The following ATL1 variants were observed in gnomAD, a reference collection of about 807,000 sequenced individuals.
The protein encoded by ATL1 is atlastin GTPase 1.
ATL1 carries 31 observed loss-of-function variants against 75.5 expected under a neutral mutation model. The observed-to-expected ratio is 0.41, with a 90% CI of 0.31 to 0.55. ATL1 has a LOEUF of 0.55. Ranked by LOEUF, ATL1 falls within the 20% of genes least tolerant of loss-of-function variation. The pLI is 0.27. For missense variants in ATL1, 405 were observed against 662.6 expected (o/e 0.61, Z 4.27); for synonymous variants, 226 against 233.3 (o/e 0.97, Z 0.28).
At chr14:50,622,491 C>A (rs1418237620) in intron 10 of ATL1, among the ~76,000 whole-genome samples, 1 of 152,018 alleles carries the variant, frequency 6.6e-6, no homozygotes, top group African/African-American at 2.4e-5. Flanking sequence ...CATGGTGAAA[C>A]CCTGTCTCTA....
intron 1 of ATL1, among the ~76,000 whole-genome samples, chr14:50,578,218 G>A (rs1331951985): frequency 1.3e-5 from 2 of 152,146 alleles, no homozygotes; most frequent in Non-Finnish European, 2.9e-5. Flanking sequence ...GATACTGAGT[G>A]ATAAACAAAT....
intron 13 of ATL1, among the ~76,000 whole-genome samples, chr14:50,630,241 TATC>T (rs2039567193): frequency 6.6e-6 from 1 of 152,220 alleles, no homozygotes; most frequent in African/African-American, 2.4e-5. Context: ...AAGAATTGAA[TATC>T]ATCAGTATTT....
At chr14:50,616,608 CTT>C (rs900501067) in intron 8 of ATL1, among the ~76,000 whole-genome samples, 60 of 152,174 alleles carry the variant, frequency 3.9e-4, no homozygotes, top group African/African-American at 1.4e-3. Context: ...CAGAATCTCA[CTT>C]TTTAAGACAT....
At chr14:50,631,083 G>GC (rs1595627784) in intron 13 of ATL1, 4 of 322,030 alleles carry the variant, frequency 1.2e-5, no homozygotes, top group South Asian at 1.0e-4. Context: ...ACATGGTGAG[G>GC]CCCCATCTCT....
In ATL1 at chr14:50,620,661, A is replaced by G; in HGVS notation, c.925A>G (p.Ser309Gly). 6.2e-7 allele frequency: 1 copy of G among 1,613,816 alleles called. No individual in the cohort carries two copies. The highest frequency in any genetic ancestry group is 8.5e-7 in the Non-Finnish European group (1 of 1,179,760). The change falls in exon 9 of 14, where the codon AGC (serine) becomes GGC (glycine). Residue 309 changes from serine (S) to glycine (G), a missense_variant. Transcript: ENST00000358385. ...GATTCCTTGGCTACTTAGTCCCGAG[A>G]GCCTAGATATTAAAGAGATCAATGG... ...ILIPWLLSPE[S>G]LDIKEINGNK...
chr14:50,588,101 A>G (rs778760639), intron 2 of ATL1, 23 bp downstream of exon 2: 16 of 1,613,670 alleles, frequency 9.9e-6, no homozygotes, highest in Non-Finnish European at 1.4e-5. Flanking sequence ...TACTTTAAAA[A>G]GTTTTCTTTC....
At chr14:50,546,063 A>G (rs1363014716) in intron 1 of ATL1, among the ~76,000 whole-genome samples, 2 of 152,136 alleles carry the variant, frequency 1.3e-5, no homozygotes, top group Non-Finnish European at 2.9e-5. Context: ...CCACTTGGGG[A>G]TTTTGTTTTT....
At chr14:50,611,327 G>A (rs2039364137) in intron 6 of ATL1, among the ~76,000 whole-genome samples, 1 of 146,846 alleles carries the variant, frequency 6.8e-6, no homozygotes, top group Non-Finnish European at 1.5e-5. Flanking sequence ...GTTATAATAG[G>A]GGAAGTTCAG....
At chr14:50,615,825 G>T (rs1437156352) in intron 8 of ATL1, among the ~76,000 whole-genome samples, 2 of 152,144 alleles carry the variant, frequency 1.3e-5, no homozygotes, top group African/African-American at 4.8e-5. Context: ...GGCAGAGGAG[G>T]GGTGCGCCTT....
At chr14:50,591,712 T>C in intron 4 of ATL1, 73 bp downstream of exon 4, 2 of 1,059,260 alleles carry the variant, frequency 1.9e-6, no homozygotes, top group Non-Finnish European at 2.9e-6. Context: ...TACATACATG[T>C]TATAATTAGA....
In ATL1 at chr14:50,564,647, C is replaced by CAAAAAAAAAA. The variant is rs60054322; in HGVS notation, c.34+4369_34+4378dup. Among the ~76,000 whole-genome samples the CAAAAAAAAAA allele has an allele frequency of 5.0e-3, 199 of 40,004 alleles. 1 individual carries two copies. Among genetic ancestry groups the CAAAAAAAAAA allele is most frequent in the Middle Eastern group, 0.053 (2 of 38 alleles). 26.2% of individuals were successfully genotyped at this position (40,004 alleles called of 152,430 possible). A position where few individuals can be genotyped will look rare whatever the true frequency, so the allele number is the denominator to read the frequency against. ...TGGGCGACAGAGCAAGATTCCGTCT[C>CAAAAAAAAAA]AAAAAAAAAAAAAAAAAAAAAAAAA... On this transcript the variant is annotated intron_variant, in intron 1 of 13. Coordinates refer to ENST00000358385, the MANE Select transcript of ATL1 (RefSeq NM_015915.5).
chr14:50,617,640 G>T (rs995256737), intron 8 of ATL1, among the ~76,000 whole-genome samples: 1 of 152,160 alleles, frequency 6.6e-6, no homozygotes, highest in Non-Finnish European at 1.5e-5. Flanking sequence ...ATTGTGTCAG[G>T]TAACCACCAC....
At chr14:50,629,598 A>C (rs993315561) in intron 12 of ATL1, among the ~76,000 whole-genome samples, 1 of 151,960 alleles carries the variant, frequency 6.6e-6, no homozygotes, top group Admixed American at 6.6e-5. Context: ...AAAAAAAAAA[A>C]AACCCTACTT....
chr14:50,606,027 G>A (rs1410025601), intron 6 of ATL1, among the ~76,000 whole-genome samples: 1 of 151,970 alleles, frequency 6.6e-6, no homozygotes, highest in African/African-American at 2.4e-5. Context: ...GAAGGTCAGG[G>A]GAAGGAGCAG....
At chr14:50,562,290 C>T (rs1350882638) in intron 1 of ATL1, among the ~76,000 whole-genome samples, 5 of 152,116 alleles carry the variant, frequency 3.3e-5, no homozygotes, top group African/African-American at 4.8e-5. Flanking sequence ...GTGATCCGCC[C>T]GCCTCGGCCT....
intron 8 of ATL1, among the ~76,000 whole-genome samples, chr14:50,619,722 T>C (rs1475461034): frequency 6.6e-6 from 1 of 152,218 alleles, no homozygotes; most frequent in African/African-American, 2.4e-5. Context: ...CTTGCTATTT[T>C]ATTTTGTGTT....
In ATL1 at chr14:50,548,803, C is replaced by T. The variant is rs563324623; in HGVS notation, c.-139-11324C>T. 4.6e-5 allele frequency among the ~76,000 whole-genome samples: 7 copies of T among 152,270 alleles called. No homozygotes were observed. The South Asian group carries it at 1.2e-3, about 27-fold the overall frequency. ...GGGATTACAGGTGTGAGCCACTGCA[C>T]CCGGCCTGGTCTCAATTATGAAAGG... is the stretch of plus-strand genomic sequence containing the variant. On this transcript the variant is annotated intron_variant, in intron 1 of 13. Coordinates refer to the ATL1 transcript ENST00000441560.
chr14:50,623,127 T>C, intron 10 of ATL1, 50 bp from the exon 11 acceptor site: 2 of 1,525,406 alleles, frequency 1.3e-6, no homozygotes, highest in Non-Finnish European at 1.8e-6. Context: ...CTGTGGAAGT[T>C]TAATCAATAT....
At chr14:50,590,900 C>T (rs774586106) in intron 2 of ATL1, 41 bp from the exon 3 acceptor site, 1 of 1,598,204 alleles carries the variant, frequency 6.3e-7, no homozygotes, top group Non-Finnish European at 8.6e-7. Context: ...AAACTATATA[C>T]ACATATCAAG....
Sources: allele counts gnomAD v4.1 joint callset (sites outside exome capture counted in the v4.1 genomes callset), GRCh38; gene constraint gnomAD v4.1.1; transcripts MANE v1.5; gene names NCBI Gene and HGNC (gene_info 2026-07-23, HGNC 2026-07-21).